SDHAF3: variants seen among roughly 807,000 people sequenced by gnomAD.
SDHAF3 encodes succinate dehydrogenase assembly factor 3, mitochondrial.
In SDHAF3, 18 loss-of-function variants were observed where a neutral mutation model predicts 11.5. That is an observed-to-expected ratio of 1.56 (90% CI 1.08 to 2.32). SDHAF3 has a LOEUF of 2.32. Ranked by LOEUF, SDHAF3 falls within the 30% of genes most tolerant of loss-of-function variation. The pLI, the probability that SDHAF3 is intolerant of heterozygous loss-of-function variation, is 0.00. For synonymous variants in SDHAF3, 72 were observed against 59.3 expected (o/e 1.21, Z -0.99); for missense variants, 200 against 154.4 (o/e 1.30, Z -1.57).
At chr7:97,118,897 A>C (rs1361398889) in intron 1 of SDHAF3, among the ~76,000 whole-genome samples, 1 of 152,186 alleles carries the variant, frequency 6.6e-6, no homozygotes, top group Non-Finnish European at 1.5e-5. Context: ...ACAATCGGGA[A>C]ATTTAGAACT....
chr7:97,145,053 T>G (rs181571889), intron 1 of SDHAF3, among the ~76,000 whole-genome samples: 3,559 of 151,736 alleles, frequency 0.023, 65 homozygotes, highest in Middle Eastern at 0.058. Flanking sequence ...ATTTTTTGTT[T>G]TTTTTTTTTT....
chr7:97,135,255 T>C (rs929083005), intron 1 of SDHAF3: 5 of 152,284 alleles, frequency 3.3e-5, no homozygotes, highest in Admixed American at 3.3e-4. Flanking sequence ...ATGCCAGTGT[T>C]TGTGGATTTG....
At chr7:97,143,183 A>G (rs1168886336) in intron 1 of SDHAF3, among the ~76,000 whole-genome samples, 1 of 152,030 alleles carries the variant, frequency 6.6e-6, no homozygotes, top group African/African-American at 2.4e-5. Flanking sequence ...GGAGTCAGCC[A>G]CCACTCCCAG....
At chr7:97,131,576 G>A (rs78662314) in intron 1 of SDHAF3, among the ~76,000 whole-genome samples, 3,803 of 152,188 alleles carry the variant, frequency 0.025, 147 homozygotes, top group African/African-American at 0.087. Context: ...CCCTGAATTA[G>A]GGATGGACCA....
chr7:97,133,537 G>A (rs957513555), intron 1 of SDHAF3, among the ~76,000 whole-genome samples: 4 of 152,116 alleles, frequency 2.6e-5, no homozygotes, highest in African/African-American at 7.2e-5. Context: ...AGTACTGAAT[G>A]CATATTGTAA....
intron 1 of SDHAF3, among the ~76,000 whole-genome samples, chr7:97,118,530 T>G (rs1214928153): frequency 1.4e-5 from 2 of 147,418 alleles, no homozygotes; most frequent in East Asian, 4.0e-4. Context: ...GACACATGCA[T>G]TAGCAATAAG....
At chr7:97,166,635 G>A (rs569300527) in intron 1 of SDHAF3, among the ~76,000 whole-genome samples, 19 of 152,186 alleles carry the variant, frequency 1.2e-4, no homozygotes, top group Admixed American at 2.6e-4. Context: ...ATTCCAAAAG[G>A]AAGAAGGTAT....
intron 1 of SDHAF3, among the ~76,000 whole-genome samples, chr7:97,147,617 G>C (rs917229372): frequency 6.6e-6 from 1 of 152,188 alleles, no homozygotes; most frequent in Non-Finnish European, 1.5e-5. Flanking sequence ...TGCCATGGGG[G>C]AGTGCTTGTG....
chr7:97,121,854 G>GTTTTTTTTTTTTTTTTTTTTT (rs56186976), intron 1 of SDHAF3, among the ~76,000 whole-genome samples: 1 of 129,924 alleles, frequency 7.7e-6, no homozygotes, highest in Non-Finnish European at 1.6e-5. Flanking sequence ...TTTTTTTTTT[G>GTTTTTTTTTTTTTTTTTTTTT]TTTTTTTTTT....
chr7:97,168,126 T>C (rs1250276054), intron 1 of SDHAF3, among the ~76,000 whole-genome samples: 2 of 152,188 alleles, frequency 1.3e-5, no homozygotes, highest in East Asian at 1.9e-4. Context: ...CGGGACCCCC[T>C]CTTTTTGCCT....
intron 1 of SDHAF3, among the ~76,000 whole-genome samples, chr7:97,131,342 A>G (rs950885307): frequency 7.9e-5 from 12 of 152,184 alleles, no homozygotes; most frequent in African/African-American, 2.9e-4. Context: ...TCAGTGTCTA[A>G]ATATTATTTA....
Position 97,174,889 on chromosome 7 carries a change from G to A in SDHAF3, c.175-6123G>A, listed in dbSNP as rs141052605. On this transcript the variant is annotated intron_variant, in intron 1 of 1. Transcript: ENST00000432641. ...TTACTTCTGAGACTGGCGTTGTTAT[G>A]TAGTTTTTCATAGTCTGAATCATGC... Among the ~76,000 whole-genome samples, 837 of 152,278 alleles carry A rather than the reference G, an allele frequency of 5.5e-3. 9 individuals are homozygous for A. The highest frequency in any genetic ancestry group is 0.019 in the African/African-American group (783 of 41,558).
chr7:97,132,142 A>G (rs1008555880), intron 1 of SDHAF3, among the ~76,000 whole-genome samples: 1 of 152,138 alleles, frequency 6.6e-6, no homozygotes, highest in Non-Finnish European at 1.5e-5. Context: ...TGTAGTTAAT[A>G]TTTTTACCAG....
chr7:97,179,958 A>G (rs1484666862), intron 1 of SDHAF3, among the ~76,000 whole-genome samples: 1 of 152,234 alleles, frequency 6.6e-6, no homozygotes, highest in Admixed American at 6.5e-5. Context: ...AGGTAGCAGC[A>G]TTATCCAGAG....
chr7:97,139,325 G>A (rs1788991227), intron 1 of SDHAF3, among the ~76,000 whole-genome samples: 1 of 152,242 alleles, frequency 6.6e-6, no homozygotes, highest in Non-Finnish European at 1.5e-5. Context: ...ACCCGGAGAT[G>A]GGCAGTTCCA....
At chr7:97,173,526 A>T (rs1284165962) in intron 1 of SDHAF3, among the ~76,000 whole-genome samples, 1 of 149,452 alleles carries the variant, frequency 6.7e-6, no homozygotes, top group East Asian at 2.0e-4. Flanking sequence ...CCATACTATT[A>T]TGTCACCTCC....
At chr7:97,176,248 T>C (rs1247105703) in intron 1 of SDHAF3, among the ~76,000 whole-genome samples, 2 of 152,216 alleles carry the variant, frequency 1.3e-5, no homozygotes, top group African/African-American at 4.8e-5. Flanking sequence ...GTGTCTCTCT[T>C]CGACAGCTTT....
At chr7:97,164,003 A>G (rs1789457808) in intron 1 of SDHAF3, among the ~76,000 whole-genome samples, 1 of 150,932 alleles carries the variant, frequency 6.6e-6, no homozygotes. Context: ...GCTGGAATGC[A>G]GTGGCGCGAT....
intron 1 of SDHAF3, among the ~76,000 whole-genome samples, chr7:97,160,355 G>A (rs556411096): frequency 2.3e-3 from 354 of 151,716 alleles, no homozygotes; most frequent in African/African-American, 7.8e-3. Flanking sequence ...AGTGAGGAGC[G>A]CCTCTGCCCG....
Sources: gnomAD v4.1 joint callset for allele counts (sites outside exome capture counted in the v4.1 genomes callset) on GRCh38, gnomAD v4.1.1 for gene constraint, MANE v1.5 for transcripts, NCBI Gene and HGNC (gene_info 2026-07-23, HGNC 2026-07-21) for gene names.